The following GLIS3 variants were observed in gnomAD, a reference collection of about 807,000 sequenced individuals.
GLIS3 encodes the protein GLIS family zinc finger 3.
Under a neutral mutation model 78.6 loss-of-function variants are expected in GLIS3, and 53 were observed. The ratio of observed to expected loss-of-function variants is 0.67; its 90% CI spans 0.54 to 0.85. The LOEUF is 0.85. Among genes scored for constraint, GLIS3 ranks in the 40% least tolerant of loss-of-function variants. The pLI, the probability that GLIS3 is intolerant of heterozygous loss-of-function variation, is 0.00. For synonymous variants in GLIS3, 684 were observed against 509.9 expected, an observed-to-expected ratio of 1.34 and a Z score of -4.60; for missense variants, 1,703 against 1,231.1, an observed-to-expected ratio of 1.38 and a Z score of -5.74.
At chr9:4,022,671 G>A (rs1337096054) in intron 4 of GLIS3, among the ~76,000 whole-genome samples, 1 of 152,118 alleles carries the variant, frequency 6.6e-6, no homozygotes, top group Non-Finnish European at 1.5e-5. Flanking sequence ...ACTGGAAACG[G>A]TCCCACAGGG....
At chr9:3,978,730 G>A (rs913981775) in intron 4 of GLIS3, among the ~76,000 whole-genome samples, 4 of 151,670 alleles carry the variant, frequency 2.6e-5, no homozygotes, top group East Asian at 1.9e-4. Context: ...TATTATATTC[G>A]AATAAATTAT....
At chr9:4,326,783 G>A (rs750704055) in intron 2 of GLIS3, among the ~76,000 whole-genome samples, 1 of 152,116 alleles carries the variant, frequency 6.6e-6, no homozygotes, top group African/African-American at 2.4e-5. Flanking sequence ...AACATAGGCT[G>A]GAAGTGCCTG....
At chr9:3,956,028 C>CAAAAAAAAAAAAAAAA (rs5896037) in intron 4 of GLIS3, among the ~76,000 whole-genome samples, 50 of 87,594 alleles carry the variant, frequency 5.7e-4, no homozygotes, top group Middle Eastern at 5.6e-3. Flanking sequence ...CCAGATTCAG[C>CAAAAAAAAAAAAAAAA]AAAAAAAAAA....
intron 2 of GLIS3, among the ~76,000 whole-genome samples, chr9:4,208,583 G>T (rs951657828): frequency 6.6e-6 from 1 of 152,196 alleles, no homozygotes; most frequent in Non-Finnish European, 1.5e-5. Context: ...TTGGGAGAGG[G>T]GATTTTACAA....
intron 2 of GLIS3, among the ~76,000 whole-genome samples, chr9:4,180,934 T>C (rs145510915): frequency 9.6e-4 from 146 of 152,210 alleles, no homozygotes; most frequent in African/African-American, 3.2e-3. Context: ...ACTGCCACCA[T>C]CTCCCTGGGC....
At chr9:3,938,392 G>T (rs1826013287) in intron 4 of GLIS3, among the ~76,000 whole-genome samples, 2 of 152,184 alleles carry the variant, frequency 1.3e-5, no homozygotes, top group South Asian at 4.1e-4. Context: ...TAACCTTGCT[G>T]CAAGAAATTG....
intron 4 of GLIS3, among the ~76,000 whole-genome samples, chr9:3,962,069 A>C (rs1267825085): frequency 6.6e-6 from 1 of 151,922 alleles, no homozygotes; most frequent in Non-Finnish European, 1.5e-5. Context: ...AAATTTAAAA[A>C]ATTAGTCAAG....
intron 2 of GLIS3, among the ~76,000 whole-genome samples, chr9:4,161,617 A>G (rs1835484728): frequency 6.6e-6 from 1 of 151,542 alleles, no homozygotes; most frequent in Non-Finnish European, 1.5e-5. Context: ...AAGTACAACA[A>G]ACTGAATGGC....
chr9:4,447,022 G>T, the GLIS3 span, among the ~76,000 whole-genome samples: 3 of 151,874 alleles, frequency 2.0e-5, no homozygotes, highest in African/African-American at 7.3e-5. Context: ...CCCTATGCCT[G>T]TAATGGACCT....
intron 2 of GLIS3, among the ~76,000 whole-genome samples, chr9:4,211,276 C>T (rs943635261): frequency 7.9e-5 from 12 of 152,200 alleles, no homozygotes; most frequent in African/African-American, 2.4e-4. Context: ...CCACTTGGCT[C>T]CACTTTAATA....
the GLIS3 span, among the ~76,000 whole-genome samples, chr9:4,372,120 G>A: frequency 1.3e-5 from 2 of 152,132 alleles, no homozygotes; most frequent in African/African-American, 4.8e-5. Context: ...GCTGTGAAGG[G>A]TGGCCGAAGT....
At chr9:4,063,565 A>G (rs1826836683) in intron 4 of GLIS3, among the ~76,000 whole-genome samples, 1 of 152,220 alleles carries the variant, frequency 6.6e-6, no homozygotes, top group Non-Finnish European at 1.5e-5. Context: ...GATTTAAAAA[A>G]AAAAAAATGG....
the GLIS3 span, among the ~76,000 whole-genome samples, chr9:4,483,572 TAGC>T: frequency 2.6e-4 from 39 of 152,022 alleles, no homozygotes; most frequent in African/African-American, 9.2e-4. Context: ...TCAAAAAAAT[TAGC>T]TGGGTGTGGT....
intron 2 of GLIS3, among the ~76,000 whole-genome samples, chr9:4,214,231 C>G (rs984755102): frequency 2.6e-5 from 4 of 152,164 alleles, no homozygotes; most frequent in African/African-American, 9.7e-5. Context: ...GTCATAAAAG[C>G]TTTCAAGTGC....
At chr9:4,395,700 G>C in the GLIS3 span, among the ~76,000 whole-genome samples, 1 of 151,996 alleles carries the variant, frequency 6.6e-6, no homozygotes, top group Non-Finnish European at 1.5e-5. Context: ...TTTATTTTAT[G>C]TCTGATGTCA....
chr9:4,473,324 G>C, the GLIS3 span, among the ~76,000 whole-genome samples: 2 of 151,766 alleles, frequency 1.3e-5, no homozygotes, highest in African/African-American at 4.8e-5. Context: ...TGGGCGCCTG[G>C]AATCCCAGCT....
At position 3,824,648 on chromosome 9, in the gene GLIS3, A is replaced by C. The variant is rs1321518931; in HGVS notation, c.*3624T>G. 2 of 152,664 alleles carry C rather than the reference A, an allele frequency of 1.3e-5. No individual in the cohort carries two copies. The highest frequency in any genetic ancestry group is 2.9e-5 in the Non-Finnish European group (2 of 68,054). 9.5% of individuals were successfully genotyped at this position (152,664 alleles called of 1,614,324 possible). On this transcript the variant is annotated 3_prime_UTR_variant, in exon 11 of 11. Coordinates refer to ENST00000381971, the MANE Select transcript of GLIS3 (RefSeq NM_001042413.2). ...GAAAAAAGTGTACCTAATTCTTTAA[A>C]AGATTTATGACAATAAGCACCAGAT...
intron 2 of GLIS3, among the ~76,000 whole-genome samples, chr9:4,159,667 C>T (rs1248077587): frequency 6.6e-6 from 1 of 151,332 alleles, no homozygotes; most frequent in East Asian, 1.9e-4. Flanking sequence ...TGCAGTGAGC[C>T]GAGATCGCAC....
At chr9:4,197,087 G>A (rs758063413) in intron 2 of GLIS3, among the ~76,000 whole-genome samples, 31 of 152,080 alleles carry the variant, frequency 2.0e-4, no homozygotes, top group Non-Finnish European at 3.4e-4. Flanking sequence ...GCCCCTCCTA[G>A]CCTATATCAG....
Sources: gnomAD v4.1 joint callset for allele counts (sites outside exome capture counted in the v4.1 genomes callset) on GRCh38, gnomAD v4.1.1 for gene constraint, MANE v1.5 for transcripts, NCBI Gene and HGNC (gene_info 2026-07-23, HGNC 2026-07-21) for gene names.